The following KCNH8 variants were observed in gnomAD, a reference collection of about 807,000 sequenced individuals.
KCNH8 encodes potassium voltage-gated channel subfamily H member 8, also known as voltage-gated delayed rectifier potassium channel KCNH8.
A neutral mutation model predicts 103.6 loss-of-function variants in KCNH8; 70 were observed. The observed-to-expected ratio is 0.68, with a 90% CI of 0.56 to 0.82. The LOEUF is 0.82. KCNH8 is among the 40% of genes least tolerant of loss of function. The pLI is 0.00. For missense variants in KCNH8, 1,217 were observed against 1,329.9 expected (o/e 0.92, Z 1.32); for synonymous variants, 498 against 489.4 (o/e 1.02, Z -0.23).
chr3:19,369,359 T>G (rs1369719378), intron 5 of KCNH8, among the ~76,000 whole-genome samples: 1 of 151,894 alleles, frequency 6.6e-6, no homozygotes, highest in Non-Finnish European at 1.5e-5. Flanking sequence ...TTGATTTTCC[T>G]TCTCCTTGCT....
intron 13 of KCNH8, among the ~76,000 whole-genome samples, chr3:19,513,757 A>T (rs1575163553): frequency 6.6e-6 from 1 of 152,178 alleles, no homozygotes; most frequent in African/African-American, 2.4e-5. Flanking sequence ...TTTTCATACT[A>T]TTCTTGCCTT....
At chr3:19,441,676 C>A (rs1226590484) in intron 8 of KCNH8, among the ~76,000 whole-genome samples, 2 of 152,032 alleles carry the variant, frequency 1.3e-5, no homozygotes, top group African/African-American at 4.8e-5. Context: ...AAGCATTCTT[C>A]TTAGGCTAAA....
intron 3 of KCNH8, among the ~76,000 whole-genome samples, chr3:19,311,018 T>A (rs7432537): frequency 0.012 from 1,816 of 151,864 alleles, 11 homozygotes; most frequent in Non-Finnish European, 0.017. Flanking sequence ...GCATAGAGTG[T>A]TCCTAGCAAC....
At chr3:19,157,097 G>C (rs2063188815) in intron 1 of KCNH8, among the ~76,000 whole-genome samples, 1 of 151,580 alleles carries the variant, frequency 6.6e-6, no homozygotes, top group Non-Finnish European at 1.5e-5. Context: ...ACAGAGACCA[G>C]AGCACTTACC....
At chr3:19,502,275 A>T (rs550806402) in intron 11 of KCNH8, among the ~76,000 whole-genome samples, 4 of 151,696 alleles carry the variant, frequency 2.6e-5, no homozygotes, top group African/African-American at 9.7e-5. Context: ...ATAAAAGAGG[A>T]TACAAACAAA....
intron 3 of KCNH8, among the ~76,000 whole-genome samples, chr3:19,320,617 C>G (rs1256805306): frequency 6.6e-6 from 1 of 151,758 alleles, no homozygotes; most frequent in African/African-American, 2.4e-5. Flanking sequence ...CTGTGTTGAT[C>G]AGGGATATCT....
chr3:19,461,706 G>A (rs928078643), intron 11 of KCNH8, among the ~76,000 whole-genome samples: 4 of 152,180 alleles, frequency 2.6e-5, no homozygotes, highest in South Asian at 2.1e-4. Context: ...TAGGGTACAT[G>A]TGCACAACGT....
At chr3:19,161,584 A>T (rs2063234850) in intron 1 of KCNH8, among the ~76,000 whole-genome samples, 1 of 152,214 alleles carries the variant, frequency 6.6e-6, no homozygotes, top group South Asian at 2.1e-4. Flanking sequence ...ATCTAATTGA[A>T]TTGAAGTAAA....
At chr3:19,351,945 T>C (rs1365883629) in intron 5 of KCNH8, among the ~76,000 whole-genome samples, 8 of 151,970 alleles carry the variant, frequency 5.3e-5, no homozygotes, top group Non-Finnish European at 7.4e-5. Flanking sequence ...GACTGGCAAA[T>C]TGGATAAAGA....
At chr3:19,253,281 T>G (rs979923844) in intron 1 of KCNH8, among the ~76,000 whole-genome samples, 70 of 152,238 alleles carry the variant, frequency 4.6e-4, no homozygotes, top group African/African-American at 1.7e-3. Context: ...AAATTGAGGT[T>G]TAGAGTTCTT....
chr3:19,464,971 G>A (rs1034015553), intron 11 of KCNH8, among the ~76,000 whole-genome samples: 1 of 152,088 alleles, frequency 6.6e-6, no homozygotes, highest in Non-Finnish European at 1.5e-5. Flanking sequence ...CACCCAAGAT[G>A]CCAAAATAAT....
intron 12 of KCNH8, among the ~76,000 whole-genome samples, chr3:19,511,288 T>C (rs901657884): frequency 6.6e-5 from 10 of 152,066 alleles, no homozygotes; most frequent in Non-Finnish European, 1.2e-4. Flanking sequence ...GCTGCCCTGA[T>C]TGTGAGTCAA....
At chr3:19,524,923 G>A (rs916788735) in intron 15 of KCNH8, among the ~76,000 whole-genome samples, 1 of 151,914 alleles carries the variant, frequency 6.6e-6, no homozygotes, top group Non-Finnish European at 1.5e-5. Context: ...GTCAGAAGGG[G>A]CCAGAGTAGA....
intron 2 of KCNH8, among the ~76,000 whole-genome samples, chr3:19,263,841 C>T (rs538553738): frequency 3.6e-4 from 54 of 152,012 alleles, no homozygotes; most frequent in African/African-American, 1.3e-3. Context: ...CATTTGGGGA[C>T]GAGTGTGTGT....
chr3:19,310,471 A>T (rs2065193758), intron 3 of KCNH8, among the ~76,000 whole-genome samples: 1 of 151,876 alleles, frequency 6.6e-6, no homozygotes, highest in African/African-American at 2.4e-5. Context: ...AATATATAGG[A>T]TGTGATTTTC....
chr3:19,326,639 T>G (rs2065428787), intron 3 of KCNH8, among the ~76,000 whole-genome samples: 1 of 152,036 alleles, frequency 6.6e-6, no homozygotes, highest in Non-Finnish European at 1.5e-5. Flanking sequence ...TAATATCAGA[T>G]ATAGGCTCCA....
intron 8 of KCNH8, among the ~76,000 whole-genome samples, chr3:19,445,695 A>T (rs368395019): frequency 4.6e-5 from 7 of 151,990 alleles, no homozygotes; most frequent in Non-Finnish European, 8.8e-5. Context: ...ACCCAAAAAA[A>T]TCATTTTAAA....
At chr3:19,332,505 A>T (rs536376615) in intron 3 of KCNH8, among the ~76,000 whole-genome samples, 2 of 152,284 alleles carry the variant, frequency 1.3e-5, no homozygotes, top group South Asian at 4.1e-4. Context: ...CTTCATGAGG[A>T]CATGCTTTCA....
chr3:19,318,662 T>TACAC (rs141442113), intron 3 of KCNH8, among the ~76,000 whole-genome samples: 134 of 142,564 alleles, frequency 9.4e-4, no homozygotes, highest in African/African-American at 2.8e-3. Context: ...TGTGTGTGTG[T>TACAC]ACACACACAC....
Sources: allele counts gnomAD v4.1 joint callset (sites outside exome capture counted in the v4.1 genomes callset), GRCh38; gene constraint gnomAD v4.1.1; transcripts MANE v1.5; gene names NCBI Gene and HGNC (gene_info 2026-07-23, HGNC 2026-07-21).